STOML2: variants seen among roughly 807,000 people sequenced by gnomAD.
STOML2 encodes the protein stomatin-like protein 2, mitochondrial.
In STOML2, 22 loss-of-function variants were observed where a neutral mutation model predicts 45.7. The ratio of observed to expected loss-of-function variants is 0.48; its 90% confidence interval spans 0.34 to 0.69. STOML2 has a LOEUF of 0.69. STOML2 is among the 30% of genes least tolerant of loss of function. The pLI, the probability that STOML2 is intolerant of heterozygous loss-of-function variation, is 0.01. For synonymous variants in STOML2, 181 were observed against 182.7 expected (o/e 0.99, Z 0.08); for missense variants, 359 against 466.9 (o/e 0.77, Z 2.13).
Position 35,102,275 on chromosome 9 carries a change from GTCAACA to G in STOML2, c.184-87_184-82del. The G allele has an allele frequency of 8.4e-7, 1 of 1,193,816 alleles. No individual in the cohort carries two copies. The highest frequency in any genetic ancestry group is 2.4e-5 in the East Asian group (1 of 41,666). The allele number at this position is 1,193,816 out of a possible 1,614,324, so 74.0% of individuals were successfully genotyped here. A position where few individuals can be genotyped will look rare whatever the true frequency, so the allele number is the denominator to read the frequency against. ...AAGCTAGTCCTGGAGTATGTAGGGAGTCAACACATGGAACATGCCCAGAAAAGCAGC... is the reference window on the plus strand; with the variant it reads ...AAGCTAGTCCTGGAGTATGTAGGGAGCATGGAACATGCCCAGAAAAGCAGC... On this transcript the variant is annotated intron_variant, in intron 2 of 9. Transcript: ENST00000356493. The surrounding 1 kb of genome is among the most constrained non-coding windows in gnomAD (Gnocchi z 4.8).
intron 9 of STOML2, 46 bp downstream of exon 9, chr9:35,100,552 G>C: frequency 6.3e-7 from 1 of 1,576,442 alleles, no homozygotes; most frequent in Non-Finnish European, 8.6e-7. Context: ...TCTCAGTTTG[G>C]TCCCTGGCAC....
Position 35,102,070 on chromosome 9 carries a change from A to G in STOML2, c.283+25T>C, listed in dbSNP as rs1000712162. The G allele has an allele frequency of 3.7e-6, 6 of 1,612,328 alleles. No homozygotes were observed. The Admixed American group carries it at 6.7e-5, about 18-fold the overall frequency. ...AACCACATCCTAATAGCCTCAGAGCACCCATGTCACCCTGAACCCCTCACC... is the reference window on the plus strand; with the variant it reads ...AACCACATCCTAATAGCCTCAGAGCGCCCATGTCACCCTGAACCCCTCACC... On this transcript the variant is annotated intron_variant, in intron 3 of 9. Coordinates refer to ENST00000356493, the MANE Select transcript of STOML2 (RefSeq NM_013442.3). This position sits in a 1 kb window ranked among gnomAD's most constrained non-coding sequence, Gnocchi z 4.8.
At chr9:35,100,457 A>G in intron 9 of STOML2, 141 bp downstream of exon 9, 3 of 1,188,104 alleles carry the variant, frequency 2.5e-6, no homozygotes, top group Non-Finnish European at 2.4e-6. Flanking sequence ...CTTAGATTCC[A>G]TCTCTACAAA....
Position 35,102,413 on chromosome 9 carries a change from G to A in STOML2, c.184-219C>T, listed in dbSNP as rs1438697071. On this transcript the variant is annotated intron_variant, in intron 2 of 9. Coordinates refer to ENST00000356493, the MANE Select transcript of STOML2 (RefSeq NM_013442.3). This position sits in a 1 kb window ranked among gnomAD's most constrained non-coding sequence, Gnocchi z 4.8. ...GCCCCTGAATGGAGGGGAGAGTCAT[G>A]AGAATCGGAGCCAGCAGAATAGCCA... 7.6e-6 allele frequency: 5 copies of A among 654,836 alleles called. No homozygotes were observed. The East Asian group carries it at 8.2e-5, about 11-fold the overall frequency. 40.6% of individuals were successfully genotyped at this position (654,836 alleles called of 1,614,324 possible).
chr9:35,101,307 C>G lies in STOML2; in HGVS notation c.580-28G>C. 1 of 1,614,148 alleles carries G rather than the reference C, an allele frequency of 6.2e-7. No individual in the cohort carries two copies. The highest frequency in any genetic ancestry group is 8.5e-7 in the Non-Finnish European group (1 of 1,180,016). On this transcript the variant is annotated intron_variant, in intron 6 of 9. Transcript: ENST00000356493. The surrounding 1 kb of genome is among the most constrained non-coding windows in gnomAD (Gnocchi z 4.3). ...GGAAGCCCACAACAATCCCAATCAA[C>G]AAGCCAAGGGAGACTGATACAGACA...
chr9:35,100,360 A>T lies in STOML2; in HGVS notation c.934-188T>A, dbSNP rs570808070. Among the ~76,000 whole-genome samples, 50 of 152,220 alleles carry T rather than the reference A, an allele frequency of 3.3e-4. 1 individual carries two copies. In the South Asian group the frequency reaches 0.01, roughly 31 times the overall value. Reference sequence around the variant, plus strand: ...TCTTGCAAACCATCAGAGTAAAGTGACTCTCAGAATACCAGCACAAGTATC... The same window carrying T: ...TCTTGCAAACCATCAGAGTAAAGTGTCTCTCAGAATACCAGCACAAGTATC... On this transcript the variant is annotated intron_variant, in intron 9 of 9. Transcript: ENST00000356493.
Position 35,100,776 on chromosome 9 carries a change from G to C in STOML2, c.805-50C>G, listed in dbSNP as rs552461138. The C allele has an allele frequency of 1.1e-5, 18 of 1,611,946 alleles. No individual in the cohort carries two copies. In the East Asian group the frequency reaches 3.1e-4, roughly 28 times the overall value. ...CAGAGATCACCGATACGGAGAAGAAGGGGGGGATGGGGAATGAAGAAAGCA... is the reference window on the plus strand; with the variant it reads ...CAGAGATCACCGATACGGAGAAGAACGGGGGGATGGGGAATGAAGAAAGCA... On this transcript the variant is annotated intron_variant, in intron 8 of 9. Coordinates refer to ENST00000356493, the MANE Select transcript of STOML2 (RefSeq NM_013442.3).
In STOML2 at chr9:35,101,336, A is replaced by G; in HGVS notation, c.580-57T>C. On this transcript the variant is annotated intron_variant, in intron 6 of 9. Transcript: ENST00000356493. This position sits in a 1 kb window ranked among gnomAD's most constrained non-coding sequence, Gnocchi z 4.3. ...CCAAGGGAGACTGATACAGACATGCAACTCTACCCATCATAACAGGAGGGA... is the reference window on the plus strand; with the variant it reads ...CCAAGGGAGACTGATACAGACATGCGACTCTACCCATCATAACAGGAGGGA... 2 of 1,613,204 alleles carry G rather than the reference A, an allele frequency of 1.2e-6. No individual in the cohort carries two copies. Among genetic ancestry groups the G allele is most frequent in the Non-Finnish European group, 8.5e-7 (1 of 1,179,218 alleles).
intron 9 of STOML2, 26 bp from the exon 10 acceptor site, chr9:35,100,198 C>T (rs1243671732): frequency 1.2e-6 from 2 of 1,611,218 alleles, no homozygotes; most frequent in Non-Finnish European, 8.5e-7. Context: ...GAGAGAATAC[C>T]ATGAGGACAC....
At position 35,100,084 on chromosome 9, in the gene STOML2, C is replaced by T. The variant is rs764351078; in HGVS notation, c.1022G>A (p.Gly341Asp). Residue 341 changes from glycine (G) to aspartate (D), a missense_variant, in exon 10 of 10, where the codon GGT (glycine) becomes GAT (aspartate). Physicochemically the swap from Gly to Asp is moderately conservative, Grantham distance 94. This residue lies in a region of STOML2 where 285 missense variants were observed against 422.0 expected (regional missense o/e 0.68). Coordinates refer to ENST00000356493, the MANE Select transcript of STOML2 (RefSeq NM_013442.3). ...TTCCTCATCAAGACTTGCATCTGTACCCTGGACATCTCTGCTGCTCCCACT... is the reference window on the plus strand; with the variant it reads ...TTCCTCATCAAGACTTGCATCTGTATCCTGGACATCTCTGCTGCTCCCACT... ...LSSGSSRDVQGTDASLDEELD... is the reference protein window; with the variant it reads ...LSSGSSRDVQDTDASLDEELD... 3.1e-6 allele frequency: 5 copies of T among 1,614,208 alleles called. No homozygotes were observed. Among genetic ancestry groups the T allele is most frequent in the South Asian group, 1.1e-5 (1 of 91,084 alleles).
chr9:35,103,116 C>T lies in STOML2; in HGVS notation c.-22G>A, dbSNP rs879116169. Reference sequence around the variant, plus strand: ...GCATTTCCCACCGCCGCAGCGACCTCCGGAACCAACGAGACGAGCGGAGCG... The same window carrying T: ...GCATTTCCCACCGCCGCAGCGACCTTCGGAACCAACGAGACGAGCGGAGCG... On this transcript the variant is annotated 5_prime_UTR_variant, in exon 1 of 10. Transcript: ENST00000356493. 1 of 1,612,326 alleles carries T rather than the reference C, an allele frequency of 6.2e-7. No homozygotes were observed. The highest frequency in any genetic ancestry group is 1.1e-5 in the South Asian group (1 of 91,032).
Position 35,102,837 on chromosome 9 carries a change from G to T in STOML2, c.46-14C>A. 1 of 1,613,572 alleles carries T rather than the reference G, an allele frequency of 6.2e-7. No individual in the cohort carries two copies. The highest frequency in any genetic ancestry group is 8.5e-7 in the Non-Finnish European group (1 of 1,179,742). ...CAGTAGAGAGCCCTGAAGGAAAGAA[G>T]AGGGTGAGCAGAGATCCCATCTGGC... On this transcript the variant is annotated splice_polypyrimidine_tract_variant and intron_variant, in intron 1 of 9. Transcript: ENST00000356493. This position sits in a 1 kb window ranked among gnomAD's most constrained non-coding sequence, Gnocchi z 4.8.
chr9:35,102,095 C>A lies in STOML2; in HGVS notation c.283G>T (p.Asp95Tyr). The change falls in exon 3 of 10, where the codon GAC becomes TAC. Residue 95 changes from aspartate to tyrosine, a missense_variant and splice_region_variant. Around this residue, in one of 2 missense-constraint regions of STOML2, gnomAD observed 285 missense variants for 422.0 expected, o/e 0.68. Coordinates refer to ENST00000356493, the MANE Select transcript of STOML2 (RefSeq NM_013442.3). The surrounding 1 kb of genome is among the most constrained non-coding windows in gnomAD (Gnocchi z 4.8). ...NVPEQSAVTL[D>Y]NVTLQIDGVL... is the part of the protein sequence containing the mutation. ...ACCCATGTCACCCTGAACCCCTCAC[C>A]GAGAGTCACAGCCGACTGCTCAGGC... 6.2e-7 allele frequency: 1 copy of A among 1,613,958 alleles called. No individual in the cohort carries two copies. Among genetic ancestry groups the A allele is most frequent in the Non-Finnish European group, 8.5e-7 (1 of 1,179,940 alleles).
At position 35,101,357 on chromosome 9, in the gene STOML2, A is replaced by C; in HGVS notation, c.579+69T>G. The stretch of plus-strand genomic sequence containing the variant: ...ATGCAACTCTACCCATCATAACAGG[A>C]GGGAAGTCTGGATCCTCCTGGTACT... On this transcript the variant is annotated intron_variant, in intron 6 of 9. Coordinates refer to ENST00000356493, the MANE Select transcript of STOML2 (RefSeq NM_013442.3). This position sits in a 1 kb window ranked among gnomAD's most constrained non-coding sequence, Gnocchi z 4.3. 6.2e-7 allele frequency: 1 copy of C among 1,610,154 alleles called. No homozygotes were observed. The highest frequency in any genetic ancestry group is 8.5e-7 in the Non-Finnish European group (1 of 1,178,340).
Position 35,102,477 on chromosome 9 carries a change from G to T in STOML2, c.183+209C>A. The T allele has an allele frequency of 2.5e-6, 2 of 809,662 alleles. No homozygotes were observed. The highest frequency in any genetic ancestry group is 3.8e-6 in the Non-Finnish European group (2 of 521,420). 50.2% of individuals were successfully genotyped at this position (809,662 alleles called of 1,614,324 possible). A position where few individuals can be genotyped will look rare whatever the true frequency, so the allele number is the denominator to read the frequency against. Reference sequence around the variant, plus strand: ...TGAGAGGTAGGGCTGAGAGTGGGCAGGGGAGATTCCCAAGAATGGGGCCTG... The same window carrying T: ...TGAGAGGTAGGGCTGAGAGTGGGCATGGGAGATTCCCAAGAATGGGGCCTG... On this transcript the variant is annotated intron_variant, in intron 2 of 9. Transcript: ENST00000356493. This position sits in a 1 kb window ranked among gnomAD's most constrained non-coding sequence, Gnocchi z 4.8.
chr9:35,101,355 G>C lies in STOML2; in HGVS notation c.579+71C>G. 1.2e-6 allele frequency: 2 copies of C among 1,610,760 alleles called. No homozygotes were observed. Among genetic ancestry groups the C allele is most frequent in the Non-Finnish European group, 1.7e-6 (2 of 1,178,548 alleles). The stretch of plus-strand genomic sequence containing the variant: ...ACATGCAACTCTACCCATCATAACA[G>C]GAGGGAAGTCTGGATCCTCCTGGTA... On this transcript the variant is annotated intron_variant, in intron 6 of 9. Transcript: ENST00000356493. This position sits in a 1 kb window ranked among gnomAD's most constrained non-coding sequence, Gnocchi z 4.3.
rs1396287122 is a variant in STOML2, at chr9:35,102,471, TG to T, written c.183+214del. The T allele has an allele frequency of 7.9e-6, 6 of 762,402 alleles. No individual in the cohort carries two copies. The highest frequency in any genetic ancestry group is 1.2e-5 in the Non-Finnish European group (6 of 481,578). 47.2% of individuals were successfully genotyped at this position (762,402 alleles called of 1,614,324 possible). On this transcript the variant is annotated intron_variant, in intron 2 of 9. Coordinates refer to ENST00000356493, the MANE Select transcript of STOML2 (RefSeq NM_013442.3). The surrounding 1 kb of genome is among the most constrained non-coding windows in gnomAD (Gnocchi z 4.8). ...GCAGACTGAGAGGTAGGGCTGAGAGTGGGCAGGGGAGATTCCCAAGAATGGG... is the reference window on the plus strand; with the variant it reads ...GCAGACTGAGAGGTAGGGCTGAGAGTGGCAGGGGAGATTCCCAAGAATGGG...
rs757079345 is a variant in STOML2, at chr9:35,102,074, A to G, written c.283+21T>C. ...ACATCCTAATAGCCTCAGAGCACCC[A>G]TGTCACCCTGAACCCCTCACCGAGA... is the stretch of plus-strand genomic sequence containing the variant. On this transcript the variant is annotated intron_variant, in intron 3 of 9. Transcript: ENST00000356493. This position sits in a 1 kb window ranked among gnomAD's most constrained non-coding sequence, Gnocchi z 4.8. The G allele has an allele frequency of 1.2e-6, 2 of 1,612,998 alleles. No individual in the cohort carries two copies. The highest frequency in any genetic ancestry group is 1.7e-5 in the Admixed American group (1 of 59,988).
Position 35,101,303 on chromosome 9 carries a change from T to G in STOML2, c.580-24A>C. 4 of 1,613,948 alleles carry G rather than the reference T, an allele frequency of 2.5e-6. No individual in the cohort carries two copies. Among genetic ancestry groups the G allele is most frequent in the Non-Finnish European group, 3.4e-6 (4 of 1,179,978 alleles). ...ACCTGGAAGCCCACAACAATCCCAA[T>G]CAACAAGCCAAGGGAGACTGATACA... On this transcript the variant is annotated intron_variant, in intron 6 of 9. Coordinates refer to ENST00000356493, the MANE Select transcript of STOML2 (RefSeq NM_013442.3). The surrounding 1 kb of genome is among the most constrained non-coding windows in gnomAD (Gnocchi z 4.3).
Sources: gnomAD v4.1 joint callset for allele counts (sites outside exome capture counted in the v4.1 genomes callset) on GRCh38, gnomAD v4.1.1 for gene constraint, gnomAD v4.1.1 regional missense constraint, Gnocchi (gnomAD v3.1) non-coding constraint, MANE v1.5 for transcripts, NCBI Gene and HGNC (gene_info 2026-07-23, HGNC 2026-07-21) for gene names.